SZT2: variants seen among roughly 807,000 people sequenced by gnomAD.
SZT2 encodes the protein SZT2 subunit of KICSTOR complex, also known as KICSTOR complex protein SZT2.
A neutral mutation model predicts 404.2 loss-of-function variants in SZT2; 216 were observed. The observed-to-expected ratio is 0.53, with a 90% CI of 0.48 to 0.60. SZT2 has a LOEUF of 0.60. Ranked by LOEUF, SZT2 falls within the 20% of genes least tolerant of loss-of-function variation. The pLI, the probability that SZT2 is intolerant of heterozygous loss-of-function variation, is 0.00. For synonymous variants in SZT2, 1,693 were observed against 1,749.9 expected (o/e 0.97, Z 0.81); for missense variants, 3,857 against 4,459.2 (o/e 0.86, Z 3.85).
Position 43,403,258 on chromosome 1 carries a change from A to C in SZT2, c.109A>C (p.Ser37Arg), listed in dbSNP as rs1649897443. Residue 37 changes from serine to arginine, a missense_variant, in exon 2 of 72, where the codon AGT becomes CGT. This residue lies in a region of SZT2 where 536 missense variants were observed against 637.4 expected (regional missense o/e 0.84). Coordinates refer to ENST00000634258, the MANE Select transcript of SZT2 (RefSeq NM_001365999.1). ...SRNVRLAWFL[S>R]HLHQTVQATP... The stretch of plus-strand genomic sequence containing the variant: ...AAATGTTCGCCTGGCTTGGTTCCTC[A>C]GTCATCTGCACCAAACTGTGCAGGC... 6.2e-7 allele frequency: 1 copy of C among 1,613,950 alleles called. No individual in the cohort carries two copies. The highest frequency in any genetic ancestry group is 1.7e-5 in the Admixed American group (1 of 60,010).
intron 4 of SZT2, chr1:43,406,771 C>G (rs1250809940): frequency 6.6e-6 from 1 of 152,192 alleles, no homozygotes; most frequent in African/African-American, 2.4e-5. Flanking sequence ...GGTTGTGTGT[C>G]CTTGAGCAAG....
Position 43,422,635 on chromosome 1 carries a change from G to A in SZT2, c.1922+3G>A. 1 of 1,583,300 alleles carries A rather than the reference G, an allele frequency of 6.3e-7. No individual in the cohort carries two copies. The highest frequency in any genetic ancestry group is 1.1e-5 in the South Asian group (1 of 88,754). On this transcript the variant is annotated splice_donor_region_variant and intron_variant, in intron 13 of 71. Coordinates refer to ENST00000634258, the MANE Select transcript of SZT2 (RefSeq NM_001365999.1). ...TCTTATGTTAAGCTGCTCTCCAGGT[G>A]GGCAAAGTGATGTCCCTTCACCCCC... is the stretch of plus-strand genomic sequence containing the variant.
chr1:43,410,564 A>G (rs1650909969), intron 4 of SZT2: 1 of 150,676 alleles, frequency 6.6e-6, no homozygotes, highest in African/African-American at 2.4e-5. Flanking sequence ...CAAAAAAAAA[A>G]AAAAAAAAAA....
rs759361776 is a variant in SZT2, at chr1:43,452,300, G to A, written c.*1820G>A. The A allele has an allele frequency of 8.7e-6, 14 of 1,613,800 alleles. No individual in the cohort carries two copies. The highest frequency in any genetic ancestry group is 5.3e-5 in the African/African-American group (4 of 74,916). On this transcript the variant is annotated 3_prime_UTR_variant, in exon 72 of 72. Transcript: ENST00000634258. ...ATTCGATCAGCTCCCTGGGGTACTC[G>A]GCCAGCCATCAGGTGGATCCTGTGG...
At position 43,424,515 on chromosome 1, in the gene SZT2, C is replaced by T. The variant is rs1652905122; in HGVS notation, c.2471+83C>T. ...GGACACTAGCAAAAAGCCTATAGCA[C>T]ACACTTCTCCTCTCTAATTCCCAGT... On this transcript the variant is annotated intron_variant, in intron 16 of 71. Coordinates refer to ENST00000634258, the MANE Select transcript of SZT2 (RefSeq NM_001365999.1). This position sits in a 1 kb window ranked among gnomAD's most constrained non-coding sequence, Gnocchi z 4.1. 1 of 1,351,488 alleles carries T rather than the reference C, an allele frequency of 7.4e-7. No individual in the cohort carries two copies. Among genetic ancestry groups the T allele is most frequent in the Non-Finnish European group, 1.0e-6 (1 of 971,930 alleles). 83.7% of individuals were successfully genotyped at this position (1,351,488 alleles called of 1,614,324 possible).
intron 1 of SZT2, among the ~76,000 whole-genome samples, chr1:43,396,971 A>G (rs1219672781): frequency 6.6e-6 from 1 of 152,268 alleles, no homozygotes; most frequent in East Asian, 1.9e-4. Flanking sequence ...CCATGTTGAT[A>G]GAAGAGTGAA....
At chr1:43,416,292 C>T (rs1171205146) in intron 6 of SZT2, among the ~76,000 whole-genome samples, 191 bp downstream of exon 6, 1 of 151,962 alleles carries the variant, frequency 6.6e-6, no homozygotes, top group Non-Finnish European at 1.5e-5. Flanking sequence ...ATCAGAGACC[C>T]TAGAAGGAGT....
intron 1 of SZT2, among the ~76,000 whole-genome samples, chr1:43,390,269 G>A (rs1033181314): frequency 1.3e-5 from 2 of 152,242 alleles, no homozygotes; most frequent in African/African-American, 4.8e-5. Flanking sequence ...ACTTATAGCG[G>A]TGTTAACAAA....
intron 66 of SZT2, among the ~76,000 whole-genome samples, 161 bp from the exon 67 acceptor site, chr1:43,447,384 G>T (rs1350585840): frequency 6.6e-6 from 1 of 152,186 alleles, no homozygotes; most frequent in Non-Finnish European, 1.5e-5. Context: ...AGTCACTTCT[G>T]TCCCATCTCA....
At chr1:43,427,953 G>C in intron 26 of SZT2, 50 bp from the exon 27 acceptor site, 1 of 1,516,480 alleles carries the variant, frequency 6.6e-7, no homozygotes, top group Non-Finnish European at 9.1e-7. Context: ...ATGAGTGTGA[G>C]GTATCACTTA....
At chr1:43,390,238 A>G (rs1648120579) in intron 1 of SZT2, among the ~76,000 whole-genome samples, 1 of 152,204 alleles carries the variant, frequency 6.6e-6, no homozygotes, top group Admixed American at 6.5e-5. Flanking sequence ...CTGACATGTC[A>G]CCCGCGTCGT....
intron 4 of SZT2, among the ~76,000 whole-genome samples, chr1:43,407,610 T>C (rs1261976368): frequency 6.6e-6 from 1 of 152,006 alleles, no homozygotes; most frequent in Non-Finnish European, 1.5e-5. Context: ...AAAGAATTAT[T>C]TGAGGCCAGG....
In SZT2 at chr1:43,427,733, C is replaced by T. The variant is rs1031667752; in HGVS notation, c.3802C>T (p.Arg1268Trp). 29 of 1,612,808 alleles carry T rather than the reference C, an allele frequency of 1.8e-5. No individual in the cohort carries two copies. The highest frequency in any genetic ancestry group is 2.2e-5 in the East Asian group (1 of 44,888). The change falls in exon 26 of 72, where the codon CGG becomes TGG. Residue 1268 changes from arginine to tryptophan, a missense_variant and splice_region_variant. Physicochemically the swap from Arg to Trp is moderately radical, Grantham distance 101. Transcript: ENST00000634258. ...PPQAPRDLIF[R>W]TQFLDHPSPS... ...TCAGGCGCCCCGAGACCTCATCTTC[C>T]GGTGAGTGCCTTCAGTGTTGACCTA...
Position 43,453,737 on chromosome 1 carries a change from G to C in SZT2, c.*3257G>C. Reference sequence around the variant, plus strand: ...CCGCGGCCCGCACCCGCGCGGGGAGGCCGGAGAGCTCGGGGAATAGCCAGG... The same window carrying C: ...CCGCGGCCCGCACCCGCGCGGGGAGCCCGGAGAGCTCGGGGAATAGCCAGG... On this transcript the variant is annotated 3_prime_UTR_variant, in exon 72 of 72. Transcript: ENST00000634258. The C allele has an allele frequency of 7.2e-7, 1 of 1,387,646 alleles. No individual in the cohort carries two copies. The highest frequency in any genetic ancestry group is 3.7e-5 in the Admixed American group (1 of 26,722). 86.0% of individuals were successfully genotyped at this position (1,387,646 alleles called of 1,614,324 possible). A position where few individuals can be genotyped will look rare whatever the true frequency, so the allele number is the denominator to read the frequency against.
In SZT2 at chr1:43,430,984, G is replaced by A; in HGVS notation, c.4810G>A (p.Gly1604Arg). 6.2e-7 allele frequency: 1 copy of A among 1,614,106 alleles called. No individual in the cohort carries two copies. ...TTCCAGTCTGGAGGGCCCCCCAGTT[G>A]GAGGCCGAGTTCCCTTGAGGGACCT... ...VLSSLEGPPV[G>R]GRVPLRDLSV... is the part of the protein sequence containing the mutation. Residue 1604 changes from glycine to arginine, a missense_variant, in exon 33 of 72, where the codon GGA (glycine) becomes AGA (arginine). Physicochemically the swap from Gly to Arg is moderately radical, Grantham distance 125. Transcript: ENST00000634258.
At chr1:43,390,678 G>A (rs912686524) in intron 1 of SZT2, among the ~76,000 whole-genome samples, 3 of 152,228 alleles carry the variant, frequency 2.0e-5, no homozygotes, top group Non-Finnish European at 4.4e-5. Flanking sequence ...CTTGTGCAAG[G>A]AAGGTGGCAT....
At chr1:43,391,910 TCTCTACTA>T (rs1648398818) in intron 1 of SZT2, among the ~76,000 whole-genome samples, 2 of 71,230 alleles carry the variant, frequency 2.8e-5, no homozygotes, top group Admixed American at 1.4e-4. Context: ...TGAAACCCTG[TCTCTACTA>T]AAAAAAATAC....
chr1:43,422,415 G>A, intron 12 of SZT2, 65 bp from the exon 13 acceptor site: 3 of 1,515,188 alleles, frequency 2.0e-6, no homozygotes, highest in Non-Finnish European at 2.6e-6. Context: ...AGTGATAGTA[G>A]TCTATTCCTT....
rs1653851107 is a variant in SZT2, at chr1:43,431,362, G to A, written c.5014G>A (p.Glu1672Lys). Residue 1672 changes from glutamate (E) to lysine (K), a missense_variant, in exon 34 of 72, where the codon GAA becomes AAA. Glu to Lys is a moderately conservative substitution (Grantham distance 56). Around this residue, in one of 7 missense-constraint regions of SZT2, gnomAD observed 1,725 missense variants for 1,881.0 expected, o/e 0.92. Transcript: ENST00000634258. ...DGLGPPLPPP[E>K]EERHPGLSNL... is the part of the protein sequence containing the mutation. ...CCTCGGGCCCCCACTGCCACCCCCA[G>A]AAGAGGAGAGGTACTTCTTTATCTC... is the stretch of plus-strand genomic sequence containing the variant. The A allele has an allele frequency of 1.9e-6, 3 of 1,612,260 alleles. No individual in the cohort carries two copies. The highest frequency in any genetic ancestry group is 4.5e-5 in the East Asian group (2 of 44,832).
Sources: gnomAD v4.1 joint callset for allele counts (sites outside exome capture counted in the v4.1 genomes callset) on GRCh38, gnomAD v4.1.1 for gene constraint, gnomAD v4.1.1 regional missense constraint, Gnocchi (gnomAD v3.1) non-coding constraint, MANE v1.5 for transcripts, NCBI Gene and HGNC (gene_info 2026-07-23, HGNC 2026-07-21) for gene names.